ZNF549: variants seen among roughly 807,000 people sequenced by gnomAD.
ZNF549 encodes zinc finger protein 549.
In ZNF549, 11 loss-of-function variants were observed where a neutral mutation model predicts 11.1. The ratio of observed to expected loss-of-function variants is 0.99; its 90% CI spans 0.62 to 1.64. The LOEUF (loss-of-function observed/expected upper bound fraction) is 1.64. ZNF549 is among the 40% of genes most tolerant of loss of function. ZNF549 has a pLI of 0.00. For missense variants in ZNF549, 748 were observed against 765.1 expected (o/e 0.98, Z 0.26); for synonymous variants, 266 against 269.1 (o/e 0.99, Z 0.11).
At chr19:57,532,856 T>G (rs964817235) in intron 2 of ZNF549, among the ~76,000 whole-genome samples, 6 of 152,182 alleles carry the variant, frequency 3.9e-5, no homozygotes, top group African/African-American at 1.2e-4. Flanking sequence ...GGTGGATTGA[T>G]CTGTTTCTCC....
chr19:57,532,179 C>T (rs2089907005), intron 2 of ZNF549, among the ~76,000 whole-genome samples: 1 of 152,138 alleles, frequency 6.6e-6, no homozygotes, highest in Non-Finnish European at 1.5e-5. Context: ...ATTGTGATTG[C>T]AGAGCAGACC....
Position 57,538,554 on chromosome 19 carries a change from T to C in ZNF549, c.1550T>C (p.Leu517Pro), listed in dbSNP as rs2089939138. Residue 517 changes from leucine to proline, a missense_variant, in exon 4 of 4, where the codon CTT (leucine) becomes CCT (proline). Transcript: ENST00000376233. ...GKGFYLEVKLLQHQRIHTREQ... is the reference protein window; with the variant it reads ...GKGFYLEVKLPQHQRIHTREQ... ...GGCTTCTACCTTGAGGTTAAACTTC[T>C]TCAGCACCAAAGAATCCATACTAGA... is the stretch of plus-strand genomic sequence containing the variant. The C allele has an allele frequency of 6.2e-7, 1 of 1,614,074 alleles. No individual in the cohort carries two copies. Among genetic ancestry groups the C allele is most frequent in the Non-Finnish European group, 8.5e-7 (1 of 1,180,042 alleles).
chr19:57,538,523 G>A lies in ZNF549; in HGVS notation c.1519G>A (p.Gly507Arg). The A allele has an allele frequency of 1.2e-6, 2 of 1,614,184 alleles. No homozygotes were observed. The highest frequency in any genetic ancestry group is 1.7e-6 in the Non-Finnish European group (2 of 1,180,020). ...AAGGCCTTATGAATGCAGTGAATGTGGAAAAGGCTTCTACCTTGAGGTTAA... is the reference window on the plus strand; with the variant it reads ...AAGGCCTTATGAATGCAGTGAATGTAGAAAAGGCTTCTACCTTGAGGTTAA... ...RERPYECSEC[G>R]KGFYLEVKLL... Residue 507 changes from glycine to arginine, a missense_variant, in exon 4 of 4, where the codon GGA (glycine) becomes AGA (arginine). Transcript: ENST00000376233.
intron 2 of ZNF549, among the ~76,000 whole-genome samples, chr19:57,533,636 A>C (rs2089912815): frequency 6.6e-6 from 1 of 152,160 alleles, no homozygotes; most frequent in Admixed American, 6.5e-5. Flanking sequence ...CAGCTCACAG[A>C]ATTGTCCACA....
Position 57,531,094 on chromosome 19 carries a change from G to T in ZNF549, c.58G>T (p.Val20Leu). Residue 20 changes from valine (V) to leucine (L), a missense_variant, in exon 2 of 4, where the codon GTG becomes TTG. Transcript: ENST00000376233. ...PQIPMVTEEF[V>L]KPSQGHVTFE... Reference sequence around the variant, plus strand: ...GATTCCCATGGTAACAGAAGAGTTTGTGAAACCATCACAGGTAAGTGGAAG... The same window carrying T: ...GATTCCCATGGTAACAGAAGAGTTTTTGAAACCATCACAGGTAAGTGGAAG... 1 of 1,598,352 alleles carries T rather than the reference G, an allele frequency of 6.3e-7. No individual in the cohort carries two copies. The highest frequency in any genetic ancestry group is 8.5e-7 in the Non-Finnish European group (1 of 1,179,784).
intron 1 of ZNF549, among the ~76,000 whole-genome samples, chr19:57,529,692 C>T (rs1236551497): frequency 6.6e-6 from 1 of 152,066 alleles, no homozygotes; most frequent in Non-Finnish European, 1.5e-5. Context: ...CGAGACCATC[C>T]TGGCTAACAT....
In ZNF549 at chr19:57,538,771, A is replaced by G; in HGVS notation, c.1767A>G (p.Ala589=). ...GAGAGAGGCCTTATAACTGCACTGC[A>G]TGTGAGAAGGCCTTTATCTATAAAA... ...HSGERPYNCT[A]CEKAFIYKNK... Residue 589 remains alanine, a synonymous_variant, in exon 4 of 4, where the codon GCA becomes GCG. Coordinates refer to ENST00000376233, the MANE Select transcript of ZNF549 (RefSeq NM_001199295.2). The G allele has an allele frequency of 6.2e-7, 1 of 1,614,258 alleles. No individual in the cohort carries two copies. Among genetic ancestry groups the G allele is most frequent in the Non-Finnish European group, 8.5e-7 (1 of 1,180,050 alleles).
chr19:57,527,660 T>TC, intron 1 of ZNF549, 54 bp downstream of exon 1: 2 of 1,596,930 alleles, frequency 1.3e-6, no homozygotes, highest in Admixed American at 1.7e-5. Context: ...CGGACTGGGG[T>TC]CACCTGCGTG....
In ZNF549 at chr19:57,538,312, G is replaced by A; in HGVS notation, c.1308G>A (p.Gln436=). 1 of 1,613,800 alleles carries A rather than the reference G, an allele frequency of 6.2e-7. No individual in the cohort carries two copies. The highest frequency in any genetic ancestry group is 1.3e-5 in the African/African-American group (1 of 74,916). ...FIHKKRLLEH[Q]RIHTGEKPYV... is the part of the protein sequence containing the mutation. ...ACAAAAAAAGACTTCTTGAGCACCAGAGAATTCATACTGGAGAAAAGCCTT... is the reference window on the plus strand; with the variant it reads ...ACAAAAAAAGACTTCTTGAGCACCAAAGAATTCATACTGGAGAAAAGCCTT... Residue 436 remains glutamine (Q), a synonymous_variant, in exon 4 of 4, where the codon CAG becomes CAA. Coordinates refer to ENST00000376233, the MANE Select transcript of ZNF549 (RefSeq NM_001199295.2).
rs982039729 is a variant in ZNF549, at chr19:57,538,126, T to C, written c.1122T>C (p.Tyr374=). The change falls in exon 4 of 4, where the codon TAT becomes TAC. Residue 374 remains tyrosine, a synonymous_variant. Coordinates refer to ENST00000376233, the MANE Select transcript of ZNF549 (RefSeq NM_001199295.2). ...MECGKSFIHS[Y]DRIRHQRVHT... ...GTGGGAAATCTTTTATTCATTCCTA[T>C]GACCGCATTCGACACCAGAGAGTTC... is the stretch of plus-strand genomic sequence containing the variant. The C allele has an allele frequency of 6.2e-7, 1 of 1,614,062 alleles. No homozygotes were observed. Among genetic ancestry groups the C allele is most frequent in the Non-Finnish European group, 8.5e-7 (1 of 1,180,030 alleles).
intron 1 of ZNF549, among the ~76,000 whole-genome samples, chr19:57,528,689 G>C (rs2089890533): frequency 6.6e-6 from 1 of 152,178 alleles, no homozygotes; most frequent in Non-Finnish European, 1.5e-5. Context: ...AAGACTTGGC[G>C]AACTGTTCAC....
intron 2 of ZNF549, among the ~76,000 whole-genome samples, chr19:57,532,713 G>C (rs1489560490): frequency 6.6e-6 from 1 of 152,120 alleles, no homozygotes; most frequent in African/African-American, 2.4e-5. Context: ...TGTTCTTGTT[G>C]GACAAAGTAA....
chr19:57,536,713 T>G (rs2123315878), intron 3 of ZNF549, among the ~76,000 whole-genome samples: 1 of 152,280 alleles, frequency 6.6e-6, no homozygotes, highest in Non-Finnish European at 1.5e-5. Context: ...TGGTTATGGG[T>G]CTTCCCCTAC....
rs768640752 is a variant in ZNF549 at position 57,537,982 on chromosome 19, T to C, written c.978T>C (p.His326=). ...CACTTGTGGAACACCAGAGAACCCA[T>C]AATGGAGAAAAGCCTTATGTGTGCA... is the stretch of plus-strand genomic sequence containing the variant. ...KYSLVEHQRT[H]NGEKPYVCNV... The change falls in exon 4 of 4, where the codon CAT becomes CAC. Residue 326 remains histidine (H), a synonymous_variant. Transcript: ENST00000376233. The C allele has an allele frequency of 6.2e-7, 1 of 1,613,986 alleles. No homozygotes were observed.
Position 57,535,139 on chromosome 19 carries a change from T to C in ZNF549, c.73-5T>C, listed in dbSNP as rs1249887457. ...CTCATGATTTCATCTGCCCCCATCA[T>C]GCAGGGCCATGTGACCTTTGAGGAT... On this transcript the variant is annotated splice_region_variant and splice_polypyrimidine_tract_variant and intron_variant, in intron 2 of 3. Coordinates refer to ENST00000376233, the MANE Select transcript of ZNF549 (RefSeq NM_001199295.2). 2.5e-6 allele frequency: 4 copies of C among 1,613,774 alleles called. No homozygotes were observed. The South Asian group carries it at 4.4e-5, about 18-fold the overall frequency.
At chr19:57,527,646 G>T (rs752711951) in intron 1 of ZNF549, 40 bp downstream of exon 1, 2 of 1,607,202 alleles carry the variant, frequency 1.2e-6, no homozygotes, top group East Asian at 2.3e-5. Flanking sequence ...GGGTCCTGAG[G>T]CCCCGGACTG....
chr19:57,528,141 A>G (rs1234375531), intron 1 of ZNF549, among the ~76,000 whole-genome samples: 1 of 152,172 alleles, frequency 6.6e-6, no homozygotes, highest in Non-Finnish European at 1.5e-5. Flanking sequence ...GACCTAAGTA[A>G]TAAGAATCTT....
intron 3 of ZNF549, 158 bp downstream of exon 3, chr19:57,535,428 G>C: frequency 9.4e-7 from 1 of 1,064,928 alleles, no homozygotes; most frequent in Admixed American, 2.4e-5. Context: ...GCCAGGCCTG[G>C]GTTTTTTCTG....
Position 57,538,027 on chromosome 19 carries a change from C to G in ZNF549, c.1023C>G (p.Phe341Leu), listed in dbSNP as rs142813145. The part of the protein sequence containing the change: ...PYVCNVCGKS[F>L]RHKQTFVGHQ... ...TGTGCAATGTATGTGGGAAATCATT[C>G]CGCCACAAACAAACATTTGTTGGCC... Residue 341 changes from phenylalanine (F) to leucine (L), a missense_variant, in exon 4 of 4, where the codon TTC (phenylalanine) becomes TTG (leucine). Transcript: ENST00000376233. The G allele has an allele frequency of 9.3e-6, 15 of 1,613,374 alleles. No homozygotes were observed. The highest frequency in any genetic ancestry group is 1.2e-5 in the Non-Finnish European group (14 of 1,179,878).
Sources: gnomAD v4.1 joint callset for allele counts (sites outside exome capture counted in the v4.1 genomes callset) on GRCh38, gnomAD v4.1.1 for gene constraint, MANE v1.5 for transcripts, NCBI Gene and HGNC (gene_info 2026-07-23, HGNC 2026-07-21) for gene names.